Variants in ILDR1 observed in about 807,000 individuals in gnomAD.
ILDR1 encodes immunoglobulin-like domain-containing receptor 1.
In ILDR1, 56 loss-of-function variants were observed where a neutral mutation model predicts 62.4. The ratio of observed to expected loss-of-function variants is 0.90; its 90% CI spans 0.72 to 1.12. The LOEUF (loss-of-function observed/expected upper bound fraction) is 1.12, where lower values mean the gene tolerates loss of function less well. ILDR1 is among the 50% of genes most tolerant of loss of function. The pLI is 0.00. For synonymous variants in ILDR1, 284 were observed against 277.8 expected (o/e 1.02, Z -0.22); for missense variants, 736 against 710.6 (o/e 1.04, Z -0.41).
chr3:122,024,265 C>T (rs544500266), upstream of ILDR1, among the ~76,000 whole-genome samples: 3 of 152,298 alleles, frequency 2.0e-5, no homozygotes, highest in African/African-American at 7.2e-5. Context: ...AAATATGGCA[C>T]TCAGCATTCC....
At chr3:122,052,563 C>T in the ILDR1 span, among the ~76,000 whole-genome samples, 1 of 152,106 alleles carries the variant, frequency 6.6e-6, no homozygotes, top group Non-Finnish European at 1.5e-5. Flanking sequence ...AAAGTCAGAA[C>T]TTTGGTTTTT....
chr3:121,990,514 G>A (rs1371692322), intron 7 of ILDR1, among the ~76,000 whole-genome samples: 1 of 152,214 alleles, frequency 6.6e-6, no homozygotes, highest in Non-Finnish European at 1.5e-5. Context: ...GGTGGTAAAG[G>A]AAGCTGTGAT....
chr3:122,054,832 G>A, the ILDR1 span, among the ~76,000 whole-genome samples: 1 of 151,708 alleles, frequency 6.6e-6, no homozygotes, highest in Non-Finnish European at 1.5e-5. Flanking sequence ...CAGAATATTC[G>A]CTTTCATCAA....
At chr3:122,026,211 G>A (rs566380609), upstream of ILDR1, among the ~76,000 whole-genome samples, 18 of 152,318 alleles carry the variant, frequency 1.2e-4, no homozygotes, top group Admixed American at 4.6e-4. Flanking sequence ...GGCATAATGA[G>A]AATTGCATTT....
Position 122,005,501 on chromosome 3 carries a change from C to A in ILDR1, c.230-108G>T. 5.3e-5 allele frequency: 64 copies of A among 1,207,872 alleles called. No homozygotes were observed. In the South Asian group the frequency reaches 7.5e-4, roughly 14 times the overall value. The allele number at this position is 1,207,872 out of a possible 1,614,324, so 74.8% of individuals were successfully genotyped here. ...GACACAGTGAAGTGTCTCAATTTTTCCCAAGACTATTCATCCCTTGGGACT... is the reference window on the plus strand; with the variant it reads ...GACACAGTGAAGTGTCTCAATTTTTACCAAGACTATTCATCCCTTGGGACT... On this transcript the variant is annotated intron_variant, in intron 2 of 7. Coordinates refer to ENST00000344209, the MANE Select transcript of ILDR1 (RefSeq NM_001199799.2).
rs746732835 is a variant in ILDR1, at chr3:121,993,589, G to C, written c.1160C>G (p.Ser387Cys). Residue 387 changes from serine to cysteine, a missense_variant, in exon 7 of 8, where the codon TCT becomes TGT. Physicochemically the swap from Ser to Cys is moderately radical, Grantham distance 112. Transcript: ENST00000344209. ...HQELQDRGPK[S>C]WALERRELDP... is the part of the protein sequence containing the mutation. ...CAACTCCCTTCTTTCCAATGCCCAA[G>C]ACTTTGGCCCCCGGTCCTGGAGCTC... The C allele has an allele frequency of 3.5e-5, 56 of 1,614,104 alleles. No individual in the cohort carries two copies. Among genetic ancestry groups the C allele is most frequent in the Admixed American group, 2.7e-4 (16 of 60,006 alleles).
chr3:122,007,634 T>TC (rs2071635405), intron 1 of ILDR1, among the ~76,000 whole-genome samples: 1 of 152,112 alleles, frequency 6.6e-6, no homozygotes, highest in Admixed American at 6.5e-5. Context: ...TCACGTCCCA[T>TC]CGAGGGGTCA....
At chr3:122,009,611 C>A (rs773598615) in intron 1 of ILDR1, among the ~76,000 whole-genome samples, 1 of 152,090 alleles carries the variant, frequency 6.6e-6, no homozygotes, top group Non-Finnish European at 1.5e-5. Context: ...CCCCTTATTA[C>A]GAGGGCCAAG....
chr3:122,048,816 T>TA, the ILDR1 span, among the ~76,000 whole-genome samples: 1 of 152,130 alleles, frequency 6.6e-6, no homozygotes, highest in Non-Finnish European at 1.5e-5. Context: ...TCTTTTTTTT[T>TA]ATAGAGACAG....
chr3:122,027,125 A>AT (rs1317457034), upstream of ILDR1, among the ~76,000 whole-genome samples: 4 of 152,108 alleles, frequency 2.6e-5, no homozygotes, highest in Admixed American at 2.0e-4. Flanking sequence ...TACTGAAAAC[A>AT]TTTTTTTCTT....
chr3:122,003,360 C>T (rs114658781), intron 3 of ILDR1, among the ~76,000 whole-genome samples: 2,727 of 152,226 alleles, frequency 0.018, 41 homozygotes, highest in Middle Eastern at 0.034. Context: ...AATTTTTTTC[C>T]TACCCGCTAT....
At chr3:122,041,550 C>A in the ILDR1 span, among the ~76,000 whole-genome samples, 1 of 152,194 alleles carries the variant, frequency 6.6e-6, no homozygotes, top group Non-Finnish European at 1.5e-5. Context: ...AGATGGCTAT[C>A]TTTCCATTTA....
chr3:122,029,505 A>G, the ILDR1 span, among the ~76,000 whole-genome samples: 1 of 101,272 alleles, frequency 9.9e-6, no homozygotes, highest in African/African-American at 4.9e-5. Flanking sequence ...CACTCCGTCT[A>G]AAAAAAATAT....
At chr3:122,050,012 T>G in the ILDR1 span, among the ~76,000 whole-genome samples, 1 of 152,236 alleles carries the variant, frequency 6.6e-6, no homozygotes, top group Non-Finnish European at 1.5e-5. Flanking sequence ...TTACCCAGTT[T>G]CAGATATTTT....
chr3:122,049,500 GCTGT>G, the ILDR1 span, among the ~76,000 whole-genome samples: 15 of 152,086 alleles, frequency 9.9e-5, no homozygotes, highest in African/African-American at 3.4e-4. Flanking sequence ...TTATCATGTT[GCTGT>G]CTATTTCTCC....
chr3:122,046,712 G>A, the ILDR1 span, among the ~76,000 whole-genome samples: 1 of 138,212 alleles, frequency 7.2e-6, no homozygotes, highest in Non-Finnish European at 1.6e-5. Flanking sequence ...TGATCGCATT[G>A]GCTCCTGAGG....
rs1280341996 is a variant in ILDR1, at chr3:121,993,944, G to A, written c.805C>T (p.Gln269Ter). 3.7e-6 allele frequency: 6 copies of A among 1,612,202 alleles called. No individual in the cohort carries two copies. Among genetic ancestry groups the A allele is most frequent in the Non-Finnish European group, 5.1e-6 (6 of 1,180,022 alleles). ...RDLSLPSSLP[Q>*]MPMTQTTNQP... The stretch of plus-strand genomic sequence containing the variant: ...TTGGTGGTCTGGGTCATTGGCATCT[G>A]CGGGAGGCTGGACGGCAGGGACAAA... The change falls in exon 7 of 8, where the codon CAG becomes TAG. Residue 269 changes from glutamine to a stop codon, truncating the protein, a stop_gained. Coordinates refer to ENST00000344209, the MANE Select transcript of ILDR1 (RefSeq NM_001199799.2). LOFTEE classifies it high-confidence loss of function.
At chr3:121,995,732 G>A (rs2071426572) in intron 5 of ILDR1, among the ~76,000 whole-genome samples, 1 of 152,050 alleles carries the variant, frequency 6.6e-6, no homozygotes, top group Admixed American at 6.6e-5. Flanking sequence ...CCCTCTTCTG[G>A]CCACCACCAA....
At chr3:122,041,970 G>T in the ILDR1 span, among the ~76,000 whole-genome samples, 1 of 141,456 alleles carries the variant, frequency 7.1e-6, no homozygotes, top group East Asian at 2.1e-4. Flanking sequence ...CATTGTGCAG[G>T]TTAGTTACAT....
Sources: allele counts gnomAD v4.1 joint callset (sites outside exome capture counted in the v4.1 genomes callset), GRCh38; gene constraint gnomAD v4.1.1; transcripts MANE v1.5; gene names NCBI Gene and HGNC (gene_info 2026-07-23, HGNC 2026-07-21).